Variants in SLCO2A1 observed in about 807,000 individuals in gnomAD.
SLCO2A1 encodes the protein matrin F/G 1.
A neutral mutation model predicts 71.7 loss-of-function variants in SLCO2A1; 60 were observed. That is an observed-to-expected ratio of 0.84 (90% CI 0.68 to 1.04). SLCO2A1 has a LOEUF of 1.04. Among genes scored for constraint, SLCO2A1 ranks in the 50% least tolerant of loss-of-function variants. The probability of loss-of-function intolerance (pLI) is 0.00; values close to 1 mark genes in which losing one functional copy is unlikely to be tolerated. For synonymous variants in SLCO2A1, 308 were observed against 326.7 expected (o/e 0.94, Z 0.62); for missense variants, 745 against 813.4 (o/e 0.92, Z 1.02).
intron 2 of SLCO2A1, among the ~76,000 whole-genome samples, chr3:133,977,088 C>A (rs138962704): frequency 1.4e-3 from 211 of 152,248 alleles, no homozygotes; most frequent in Non-Finnish European, 2.5e-3. Flanking sequence ...CTTCTCACAT[C>A]CCCCCTAGCC....
rs937232202 is a variant in SLCO2A1 at position 133,978,875 on chromosome 3, C to T, written c.234+606G>A. Among the ~76,000 whole-genome samples, 11 of 152,228 alleles carry T rather than the reference C, an allele frequency of 7.2e-5. 1 individual carries two copies. Among genetic ancestry groups the T allele is most frequent in the Admixed American group, 4.6e-4 (7 of 15,292 alleles). On this transcript the variant is annotated intron_variant, in intron 2 of 13. Transcript: ENST00000310926. ...CCTCTGGCTTCTCGGCCCATCTTGT[C>T]TTCCTCTAACTTTGATATGCAGTCA...
rs79972859 is a variant in SLCO2A1 at position 133,978,471 on chromosome 3, G to T, written c.234+1010C>A. 5.0e-3 allele frequency among the ~76,000 whole-genome samples: 756 copies of T among 152,282 alleles called. 2 individuals are homozygous for T. Among genetic ancestry groups the T allele is most frequent in the Middle Eastern group, 0.014 (4 of 294 alleles). On this transcript the variant is annotated intron_variant, in intron 2 of 13. Coordinates refer to ENST00000310926, the MANE Select transcript of SLCO2A1 (RefSeq NM_005630.3). ...CACTGCTATGTGGACCATCAAGGAA[G>T]GGGGAGGGGTGAAAGGGAAAGCCTT... is the stretch of plus-strand genomic sequence containing the variant.
At chr3:134,005,539 T>C (rs1251005624) in intron 1 of SLCO2A1, among the ~76,000 whole-genome samples, 1 of 148,888 alleles carries the variant, frequency 6.7e-6, no homozygotes, top group Non-Finnish European at 1.5e-5. Flanking sequence ...TGGAGTGCAG[T>C]GGCGCAATCT....
At chr3:133,984,617 T>C (rs1934668382) in intron 1 of SLCO2A1, among the ~76,000 whole-genome samples, 1 of 152,138 alleles carries the variant, frequency 6.6e-6, no homozygotes, top group Non-Finnish European at 1.5e-5. Flanking sequence ...GTACCTCCTA[T>C]ATGGCCAGCA....
chr3:133,985,592 A>G (rs772879467), intron 1 of SLCO2A1, among the ~76,000 whole-genome samples: 2 of 152,094 alleles, frequency 1.3e-5, no homozygotes, highest in Admixed American at 6.5e-5. Context: ...CTCGGCATGT[A>G]TTGCTTCCCC....
chr3:133,956,186 C>T (rs1359888813), intron 3 of SLCO2A1, among the ~76,000 whole-genome samples: 1 of 152,202 alleles, frequency 6.6e-6, no homozygotes, highest in Non-Finnish European at 1.5e-5. Context: ...CCGTTTAATT[C>T]TCACTTGTGC....
intron 6 of SLCO2A1, among the ~76,000 whole-genome samples, chr3:133,949,650 A>T (rs1933684053): frequency 6.6e-6 from 1 of 152,112 alleles, no homozygotes; most frequent in Non-Finnish European, 1.5e-5. Context: ...AGGCTCTCCC[A>T]TTCACTGAGT....
At chr3:134,013,813 C>T (rs1576459975) in intron 1 of SLCO2A1, among the ~76,000 whole-genome samples, 1 of 152,218 alleles carries the variant, frequency 6.6e-6, no homozygotes, top group African/African-American at 2.4e-5. Context: ...ATATATCATT[C>T]ATTTGATTTT....
chr3:133,979,651 T>A, intron 1 of SLCO2A1, 33 bp from the exon 2 acceptor site: 1 of 1,572,368 alleles, frequency 6.4e-7, no homozygotes, highest in East Asian at 2.3e-5. Flanking sequence ...GTGAGGTTTC[T>A]GGACGACAAG....
chr3:134,027,818 A>G (rs1260419681), intron 1 of SLCO2A1, among the ~76,000 whole-genome samples: 12 of 152,248 alleles, frequency 7.9e-5, no homozygotes, highest in South Asian at 2.1e-4. Flanking sequence ...TTGAGATTCA[A>G]GATTTACCTT....
chr3:133,976,050 T>C (rs571264572), intron 2 of SLCO2A1, among the ~76,000 whole-genome samples: 1 of 152,378 alleles, frequency 6.6e-6, no homozygotes, highest in East Asian at 1.9e-4. Flanking sequence ...TAATACTTGG[T>C]GCTCGTTAAA....
At chr3:133,977,298 T>C (rs1349562307) in intron 2 of SLCO2A1, among the ~76,000 whole-genome samples, 1 of 152,192 alleles carries the variant, frequency 6.6e-6, no homozygotes, top group Non-Finnish European at 1.5e-5. Flanking sequence ...GGGAAAGATT[T>C]TAATGGGTGA....
chr3:133,991,235 A>C (rs1934837751), intron 1 of SLCO2A1, among the ~76,000 whole-genome samples: 1 of 152,214 alleles, frequency 6.6e-6, no homozygotes, highest in African/African-American at 2.4e-5. Context: ...AGGGAGTAGC[A>C]TCCTTCTCCC....
chr3:133,977,967 C>T (rs1934498559), intron 2 of SLCO2A1, among the ~76,000 whole-genome samples: 1 of 152,130 alleles, frequency 6.6e-6, no homozygotes, highest in African/African-American at 2.4e-5. Flanking sequence ...AGTACACAGA[C>T]ACACACCTGG....
At chr3:133,954,381 C>T (rs1054932481) in intron 4 of SLCO2A1, among the ~76,000 whole-genome samples, 2 of 152,014 alleles carry the variant, frequency 1.3e-5, no homozygotes, top group African/African-American at 4.8e-5. Flanking sequence ...AGGCTGGTCT[C>T]GAACTCCCGG....
chr3:133,959,670 CA>C (rs199843806), intron 3 of SLCO2A1, among the ~76,000 whole-genome samples: 1,690 of 152,112 alleles, frequency 0.011, 25 homozygotes, highest in Non-Finnish European at 0.016. Flanking sequence ...ACTAAAAATA[CA>C]AAAAATTAGC....
chr3:133,982,598 C>T (rs1934619733), intron 1 of SLCO2A1, among the ~76,000 whole-genome samples: 1 of 152,138 alleles, frequency 6.6e-6, no homozygotes, highest in Admixed American at 6.5e-5. Context: ...ACCAATAATC[C>T]TTCTTGATGT....
intron 2 of SLCO2A1, 67 bp from the exon 3 acceptor site, chr3:133,973,892 C>A: frequency 1.3e-6 from 2 of 1,484,606 alleles, no homozygotes; most frequent in Non-Finnish European, 9.1e-7. Flanking sequence ...CAGAGAAGAC[C>A]CGATCACACT....
intron 3 of SLCO2A1, 61 bp from the exon 4 acceptor site, chr3:133,955,254 T>C (rs1310494185): frequency 1.4e-6 from 2 of 1,467,210 alleles, no homozygotes; most frequent in Non-Finnish European, 1.9e-6. Context: ...CCGGCTGGCC[T>C]CCAAACCCGG....
Sources: allele counts gnomAD v4.1 joint callset (sites outside exome capture counted in the v4.1 genomes callset), GRCh38; gene constraint gnomAD v4.1.1; transcripts MANE v1.5; gene names NCBI Gene and HGNC (gene_info 2026-07-23, HGNC 2026-07-21).